The following ZNF83 variants were observed in gnomAD, a reference collection of about 807,000 sequenced individuals.
ZNF83 encodes zinc finger protein 83, also known as zinc finger protein 816B.
For missense variants in ZNF83, 552 were observed against 629.9 expected, an observed-to-expected ratio of 0.88 and a Z score of 1.32; for synonymous variants, 209 against 213.0, an observed-to-expected ratio of 0.98 and a Z score of 0.17.
At chr19:52,658,395 A>G (rs190500633) in intron 2 of ZNF83, among the ~76,000 whole-genome samples, 104 of 152,220 alleles carry the variant, frequency 6.8e-4, no homozygotes, top group African/African-American at 2.3e-3. Context: ...GTGAAATTTC[A>G]TCTCTACCAA....
rs1555793209 is a variant in ZNF83 at position 52,690,196 on chromosome 19, A to AAC, written c.-283+246_-283+247insGT. Among the ~76,000 whole-genome samples, 359 of 149,444 alleles carry AAC rather than the reference A, an allele frequency of 2.4e-3. 3 individuals are homozygous for AAC. The highest frequency in any genetic ancestry group is 8.5e-3 in the African/African-American group (334 of 39,506). ...AATGATTTTGAGAAAAAAAAAAAAA[A>AAC]AACAACAACAACTACGCGATAGGAA... On this transcript the variant is annotated intron_variant, in intron 1 of 5. Transcript: ENST00000594682.
At chr19:52,639,406 G>GTTTTTTTTT (rs1568556559), upstream of ZNF83, among the ~76,000 whole-genome samples, 1 of 68,810 alleles carries the variant, frequency 1.5e-5, no homozygotes, top group Non-Finnish European at 2.7e-5. Context: ...TATATATTTA[G>GTTTTTTTTT]TTTTTTCTAT....
chr19:52,640,965 G>C (rs1430000294), upstream of ZNF83, among the ~76,000 whole-genome samples: 1 of 152,100 alleles, frequency 6.6e-6, no homozygotes, highest in Non-Finnish European at 1.5e-5. Context: ...GGAGGATTTA[G>C]TCCAGGCGGG....
At chr19:52,655,968 T>C (rs1038836958) in intron 2 of ZNF83, among the ~76,000 whole-genome samples, 4 of 151,936 alleles carry the variant, frequency 2.6e-5, no homozygotes, top group Non-Finnish European at 5.9e-5. Context: ...CCCAGCAGTT[T>C]GGGAGGCTGA....
intron 1 of ZNF83, among the ~76,000 whole-genome samples, chr19:52,665,109 T>C (rs983055519): frequency 1.3e-5 from 2 of 152,114 alleles, no homozygotes; most frequent in African/African-American, 4.8e-5. Flanking sequence ...CAGAACCAAT[T>C]AGAAATCCTC....
intron 1 of ZNF83, among the ~76,000 whole-genome samples, chr19:52,679,686 C>T (rs1010809105): frequency 1.3e-5 from 2 of 152,152 alleles, no homozygotes; most frequent in African/African-American, 4.8e-5. Flanking sequence ...TATCTCATAA[C>T]CTGGTCCACG....
intron 2 of ZNF83, among the ~76,000 whole-genome samples, chr19:52,632,448 C>G (rs1249340888): frequency 6.6e-6 from 1 of 152,162 alleles, no homozygotes; most frequent in African/African-American, 2.4e-5. Flanking sequence ...AGACACCAGA[C>G]CAACTTGGAC....
intron 3 of ZNF83, among the ~76,000 whole-genome samples, chr19:52,646,183 G>A (rs906055079): frequency 3.9e-5 from 6 of 152,082 alleles, no homozygotes; most frequent in Non-Finnish European, 7.4e-5. Context: ...TAGGTGACCT[G>A]CTCATCTCAG....
chr19:52,639,382 G>A (rs2147216065), upstream of ZNF83, among the ~76,000 whole-genome samples: 1 of 133,962 alleles, frequency 7.5e-6, no homozygotes, highest in South Asian at 2.4e-4. Flanking sequence ...CACCGCGCCC[G>A]GCTTATTTTC....
At chr19:52,643,648 C>T (rs1225138806) in intron 3 of ZNF83, among the ~76,000 whole-genome samples, 1 of 151,784 alleles carries the variant, frequency 6.6e-6, no homozygotes, top group Non-Finnish European at 1.5e-5. Flanking sequence ...TTGTGGTGAA[C>T]TGAGATTGTG....
At chr19:52,688,950 GAAAAAAAAAAAA>G (rs56247444) in intron 1 of ZNF83, among the ~76,000 whole-genome samples, 1 of 126,804 alleles carries the variant, frequency 7.9e-6, no homozygotes, top group African/African-American at 2.8e-5. Context: ...AAGGTTGAAG[GAAAAAAAAAAAA>G]AAAAAAAAAA....
rs569540666 is a variant in ZNF83 at position 52,628,716 on chromosome 19, C to T, written c.-234+6350G>A. 6.5e-4 allele frequency among the ~76,000 whole-genome samples: 99 copies of T among 152,060 alleles called. 1 individual carries two copies. The highest frequency in any genetic ancestry group is 2.1e-3 in the African/African-American group (89 of 41,448). ...TCTCTCTGTGTCTCTACCCCTTCTT[C>T]GCCTTTCTGGGGGGCAAGAAACCCC... On this transcript the variant is annotated intron_variant, in intron 2 of 2. Transcript: ENST00000301096.
At chr19:52,620,228 GTATA>G (rs1568534614) in intron 2 of ZNF83, among the ~76,000 whole-genome samples, 1 of 149,666 alleles carries the variant, frequency 6.7e-6, no homozygotes, top group Non-Finnish European at 1.5e-5. Context: ...GTGTGTATGT[GTATA>G]TGTATATATG....
intron 1 of ZNF83, among the ~76,000 whole-genome samples, chr19:52,683,767 C>T (rs904350983): frequency 2.6e-4 from 39 of 152,124 alleles, no homozygotes; most frequent in African/African-American, 9.4e-4. Flanking sequence ...GTTGAAATTT[C>T]CAGAAGAAAT....
chr19:52,688,051 C>A (rs918544257), intron 1 of ZNF83, among the ~76,000 whole-genome samples: 2 of 151,946 alleles, frequency 1.3e-5, no homozygotes, highest in Non-Finnish European at 2.9e-5. Flanking sequence ...TTAAAATTCT[C>A]AATCTCATCT....
intron 2 of ZNF83, among the ~76,000 whole-genome samples, chr19:52,660,119 CAT>C (rs2061560041): frequency 1.4e-5 from 1 of 69,754 alleles, no homozygotes; most frequent in Admixed American, 2.2e-4. Flanking sequence ...GTGGTAAGAC[CAT>C]GGTGGTAAGA....
At chr19:52,680,798 G>T (rs904038806) in intron 1 of ZNF83, among the ~76,000 whole-genome samples, 1 of 148,096 alleles carries the variant, frequency 6.8e-6, no homozygotes, top group Admixed American at 6.7e-5. Context: ...ATTTTTAGTA[G>T]AGACGGGGTT....
At chr19:52,682,133 A>G (rs1037087082) in intron 1 of ZNF83, among the ~76,000 whole-genome samples, 4 of 152,118 alleles carry the variant, frequency 2.6e-5, no homozygotes, top group African/African-American at 9.7e-5. Context: ...GGCATGAGCC[A>G]CCGTGCCTGG....
At chr19:52,615,106 T>C (rs990726623) in intron 2 of ZNF83, among the ~76,000 whole-genome samples, 3 of 152,188 alleles carry the variant, frequency 2.0e-5, no homozygotes, top group Non-Finnish European at 4.4e-5. Context: ...ACATGAAGCC[T>C]GAGCATACTG....
Sources: allele counts gnomAD v4.1 joint callset (sites outside exome capture counted in the v4.1 genomes callset), GRCh38; gene constraint gnomAD v4.1.1; transcripts MANE v1.5; gene names NCBI Gene and HGNC (gene_info 2026-07-23, HGNC 2026-07-21).